Variants in KIF26B observed in about 807,000 individuals in gnomAD.
KIF26B encodes kinesin family member 26B.
Under a neutral mutation model 151.2 loss-of-function variants are expected in KIF26B, and 63 were observed. The observed-to-expected ratio is 0.42, with a 90% confidence interval of 0.34 to 0.51. The LOEUF (loss-of-function observed/expected upper bound fraction) is 0.51. Ranked by LOEUF, KIF26B falls within the 20% of genes least tolerant of loss-of-function variation. KIF26B has a pLI of 0.07. For missense variants in KIF26B, 2,813 were observed against 2,913.6 expected, an observed-to-expected ratio of 0.97 and a Z score of 0.79; for synonymous variants, 1,357 against 1,262.1, an observed-to-expected ratio of 1.08 and a Z score of -1.59.
intron 4 of KIF26B, among the ~76,000 whole-genome samples, chr1:245,522,364 A>G (rs957704292): frequency 6.6e-6 from 1 of 151,724 alleles, no homozygotes; most frequent in Non-Finnish European, 1.5e-5. Flanking sequence ...TTTGTTTTGC[A>G]TATGTATTGA....
Position 245,493,362 on chromosome 1 carries a change from C to T in KIF26B, c.1167-47405C>T, listed in dbSNP as rs969883952. Among the ~76,000 whole-genome samples, 3 of 152,174 alleles carry T rather than the reference C, an allele frequency of 2.0e-5. No homozygotes were observed. The South Asian group carries it at 6.2e-4, about 32-fold the overall frequency. Reference sequence around the variant, plus strand: ...CAAATCCCTAATTTGATTAATTGGGCTTGCTGGATTTTATACAAGCAAGAA... The same window carrying T: ...CAAATCCCTAATTTGATTAATTGGGTTTGCTGGATTTTATACAAGCAAGAA... On this transcript the variant is annotated intron_variant, in intron 4 of 14. Coordinates refer to ENST00000407071, the MANE Select transcript of KIF26B (RefSeq NM_018012.4).
chr1:245,165,723 T>C (rs1394662416), intron 2 of KIF26B, among the ~76,000 whole-genome samples: 1 of 152,058 alleles, frequency 6.6e-6, no homozygotes, highest in African/African-American at 2.4e-5. Flanking sequence ...GAGAAGACAG[T>C]GTCATGGGAA....
intron 4 of KIF26B, among the ~76,000 whole-genome samples, chr1:245,440,208 C>G (rs1375507417): frequency 6.6e-6 from 1 of 151,130 alleles, no homozygotes; most frequent in Non-Finnish European, 1.5e-5. Context: ...GCGACAGAGC[C>G]AGACTCTGCC....
In KIF26B at chr1:245,541,223, A is replaced by C. The variant is rs112456537; in HGVS notation, c.1350+273A>C. Among the ~76,000 whole-genome samples, 1,195 of 152,316 alleles carry C rather than the reference A, an allele frequency of 7.8e-3. 21 individuals are homozygous for C. The highest frequency in any genetic ancestry group is 0.028 in the African/African-American group (1,146 of 41,560). ...TGACAGAATCGTAGCCATTTAAAGA[A>C]AAGACACAAAGGCACAAAATATCGA... is the stretch of plus-strand genomic sequence containing the variant. On this transcript the variant is annotated intron_variant, in intron 5 of 14. Coordinates refer to ENST00000407071, the MANE Select transcript of KIF26B (RefSeq NM_018012.4).
At chr1:245,232,032 T>C (rs954569680) in intron 2 of KIF26B, among the ~76,000 whole-genome samples, 38 of 152,240 alleles carry the variant, frequency 2.5e-4, no homozygotes, top group African/African-American at 9.2e-4. Flanking sequence ...TCAAAATAAC[T>C]GGTGGTTTGA....
chr1:245,499,232 T>G (rs950684141), intron 4 of KIF26B, among the ~76,000 whole-genome samples: 2 of 151,982 alleles, frequency 1.3e-5, no homozygotes, highest in Non-Finnish European at 2.9e-5. Context: ...AAGAGAACAC[T>G]AGAATAATAG....
chr1:245,414,562 A>T (rs1368743131), intron 3 of KIF26B, among the ~76,000 whole-genome samples: 1 of 152,182 alleles, frequency 6.6e-6, no homozygotes, highest in East Asian at 1.9e-4. Flanking sequence ...CCTCCTCCCC[A>T]GGCCTCGGCA....
In KIF26B at chr1:245,352,050, TG is replaced by T. The variant is rs1672578979; in HGVS notation, c.466-14783del. Among the ~76,000 whole-genome samples the T allele has an allele frequency of 6.6e-6, 1 of 152,234 alleles. No homozygotes were observed. The highest frequency in any genetic ancestry group is 2.1e-4 in the South Asian group (1 of 4,830). On this transcript the variant is annotated intron_variant, in intron 2 of 14. Coordinates refer to ENST00000407071, the MANE Select transcript of KIF26B (RefSeq NM_018012.4). This position sits in a 1 kb window ranked among gnomAD's most constrained non-coding sequence, Gnocchi z 5.0. ...AAAATGAGATTTGAAAGTTTTAGAA[TG>T]TGGCTGTGTGTGTGAGAGAGATCGT...
intron 3 of KIF26B, among the ~76,000 whole-genome samples, chr1:245,372,583 C>A (rs1673154323): frequency 3.3e-5 from 5 of 152,154 alleles, no homozygotes; most frequent in Admixed American, 3.3e-4. Context: ...TGTGTTACAG[C>A]CTTCATTTGA....
intron 5 of KIF26B, among the ~76,000 whole-genome samples, chr1:245,590,193 C>CACAA (rs2043272426): frequency 6.6e-6 from 1 of 151,952 alleles, no homozygotes; most frequent in African/African-American, 2.4e-5. Flanking sequence ...CCGGTGGAAG[C>CACAA]ACAAACCACC....
At chr1:245,566,084 G>A (rs937537969) in intron 5 of KIF26B, among the ~76,000 whole-genome samples, 2 of 152,204 alleles carry the variant, frequency 1.3e-5, no homozygotes, top group African/African-American at 4.8e-5. Flanking sequence ...AGGGATCTGC[G>A]GCCATGATCC....
Position 245,268,531 on chromosome 1 carries a change from A to ATTT in KIF26B, c.466-98303_466-98302insTTT, listed in dbSNP as rs1558368667. Among the ~76,000 whole-genome samples the ATTT allele has an allele frequency of 9.1e-4, 134 of 146,924 alleles. 1 individual carries two copies. Among genetic ancestry groups the ATTT allele is most frequent in the Non-Finnish European group, 1.2e-3 (79 of 66,970 alleles). ...TAATAATAATAAAGTTTTTTTTTTA[A>ATTT]AAATTGGGATTTTAGACCAATGTGA... On this transcript the variant is annotated intron_variant, in intron 2 of 14. Coordinates refer to ENST00000407071, the MANE Select transcript of KIF26B (RefSeq NM_018012.4).
chr1:245,529,032 G>A (rs1326122559), intron 4 of KIF26B, among the ~76,000 whole-genome samples: 1 of 152,186 alleles, frequency 6.6e-6, no homozygotes, highest in Non-Finnish European at 1.5e-5. Flanking sequence ...ATTCATTAGT[G>A]CAGAAGTCCT....
chr1:245,397,458 C>T (rs1673877082), intron 3 of KIF26B, among the ~76,000 whole-genome samples: 1 of 152,134 alleles, frequency 6.6e-6, no homozygotes, highest in South Asian at 2.1e-4. Flanking sequence ...TCAGGTGATC[C>T]ACCCTCCTCC....
intron 2 of KIF26B, among the ~76,000 whole-genome samples, chr1:245,287,754 T>A (rs1421505138): frequency 6.6e-6 from 1 of 152,082 alleles, no homozygotes; most frequent in African/African-American, 2.4e-5. Flanking sequence ...CCGCCTGCCC[T>A]GACCTCCCAA....
At chr1:245,551,154 TC>T (rs1661872505) in intron 5 of KIF26B, among the ~76,000 whole-genome samples, 2 of 152,090 alleles carry the variant, frequency 1.3e-5, no homozygotes, top group African/African-American at 4.8e-5. Context: ...CAGGGGATCC[TC>T]CCACCTCAGC....
chr1:245,539,585 A>T (rs973700906), intron 4 of KIF26B, among the ~76,000 whole-genome samples: 2 of 152,200 alleles, frequency 1.3e-5, no homozygotes, highest in African/African-American at 4.8e-5. Flanking sequence ...AGTCTGTGAA[A>T]TGCCTTCGCC....
chr1:245,681,114 A>G (rs1050289070), intron 10 of KIF26B, among the ~76,000 whole-genome samples: 2 of 151,980 alleles, frequency 1.3e-5, no homozygotes, highest in Non-Finnish European at 2.9e-5. Context: ...TGAATCAAGA[A>G]TACACACACC....
intron 10 of KIF26B, among the ~76,000 whole-genome samples, chr1:245,670,418 T>C (rs78284831): frequency 0.021 from 3,149 of 151,752 alleles, 115 homozygotes; most frequent in African/African-American, 0.072. Context: ...GAGTGTAGTA[T>C]GTGATGATTT....
Sources: gnomAD v4.1 joint callset for allele counts (sites outside exome capture counted in the v4.1 genomes callset) on GRCh38, gnomAD v4.1.1 for gene constraint, Gnocchi (gnomAD v3.1) non-coding constraint, MANE v1.5 for transcripts, NCBI Gene and HGNC (gene_info 2026-07-23, HGNC 2026-07-21) for gene names.